Variants in DOCK6 observed in about 807,000 individuals in gnomAD.
DOCK6 encodes the protein dedicator of cytokinesis 6.
Under a neutral mutation model 230.3 loss-of-function variants are expected in DOCK6, and 167 were observed. That is an observed-to-expected ratio of 0.73 (90% CI 0.64 to 0.82). The LOEUF (loss-of-function observed/expected upper bound fraction) is 0.82. Among genes scored for constraint, DOCK6 ranks in the 40% least tolerant of loss-of-function variants. DOCK6 has a pLI of 0.00. For synonymous variants in DOCK6, 1,148 were observed against 1,185.0 expected, an observed-to-expected ratio of 0.97 and a Z score of 0.64; for missense variants, 2,598 against 2,825.8, an observed-to-expected ratio of 0.92 and a Z score of 1.83.
chr19:11,262,291 C>A (rs556456097), intron 1 of DOCK6, 106 bp downstream of exon 1: 53 of 678,452 alleles, frequency 7.8e-5, no homozygotes, highest in African/African-American at 6.5e-4. Flanking sequence ...CGGGCCGAGG[C>A]GGAAAGGGGT....
intron 28 of DOCK6, chr19:11,221,157 TCAACAGGA>T (rs2079573528): frequency 6.6e-6 from 1 of 151,998 alleles, no homozygotes; most frequent in Non-Finnish European, 1.5e-5. Context: ...ACGGATGGGG[TCAACAGGA>T]CACTGGGCAC....
In DOCK6 at chr19:11,201,555, G is replaced by A. The variant is rs2079168799; in HGVS notation, c.5688+334C>T. On this transcript the variant is annotated intron_variant, in intron 44 of 47. Coordinates refer to ENST00000294618, the MANE Select transcript of DOCK6 (RefSeq NM_020812.4). The surrounding 1 kb of genome is among the most constrained non-coding windows in gnomAD (Gnocchi z 4.3). ...AGGGTCTCCATATCTTCTCAGCCCA[G>A]TTCTGGGGTACCTGGGCCTCTTCCT... Among the ~76,000 whole-genome samples, 1 of 151,726 alleles carries A rather than the reference G, an allele frequency of 6.6e-6. No homozygotes were observed. Among genetic ancestry groups the A allele is most frequent in the Admixed American group, 6.6e-5 (1 of 15,234 alleles).
At chr19:11,207,891 C>T (rs1261751304) in intron 39 of DOCK6, among the ~76,000 whole-genome samples, 3 of 152,000 alleles carry the variant, frequency 2.0e-5, no homozygotes, top group Non-Finnish European at 2.9e-5. Flanking sequence ...GATCACGCCA[C>T]CGCACTCCAG....
intron 1 of DOCK6, among the ~76,000 whole-genome samples, chr19:11,257,140 C>T (rs1032012073): frequency 7.2e-6 from 1 of 138,328 alleles, no homozygotes; most frequent in Non-Finnish European, 1.6e-5. Flanking sequence ...ATGCACACCA[C>T]CATGCTTGGC....
rs2079174502 is a variant in DOCK6 at position 11,201,891 on chromosome 19, C to T, written c.5686G>A (p.Glu1896Lys). 1 of 1,556,390 alleles carries T rather than the reference C, an allele frequency of 6.4e-7. No individual in the cohort carries two copies. The highest frequency in any genetic ancestry group is 8.7e-7 in the Non-Finnish European group (1 of 1,149,002). ...KTRIRVCHRE[E>K]TVLTPVEVAI... The stretch of plus-strand genomic sequence containing the variant: ...CCAGGCCCAGGATCCCCACCCACCT[C>T]CTCCCGGTGGCACACACGGATGCGA... Residue 1896 changes from glutamate (E) to lysine (K), a missense_variant and splice_region_variant, in exon 44 of 48, where the codon GAG (glutamate) becomes AAG (lysine). By Grantham distance (56) the Glu-to-Lys change is moderately conservative (BLOSUM62 1). Transcript: ENST00000294618. This position sits in a 1 kb window ranked among gnomAD's most constrained non-coding sequence, Gnocchi z 4.3.
At chr19:11,259,864 G>A (rs1193272516) in intron 1 of DOCK6, among the ~76,000 whole-genome samples, 3 of 142,804 alleles carry the variant, frequency 2.1e-5, no homozygotes, top group Non-Finnish European at 4.5e-5. Context: ...TTACAGACCT[G>A]GGCCGCCGCG....
intron 24 of DOCK6, 145 bp downstream of exon 24, chr19:11,227,190 AAC>A (rs955190134): frequency 1.7e-4 from 190 of 1,146,882 alleles, no homozygotes; most frequent in Middle Eastern, 1.5e-3. Context: ...GCACTTAAGA[AAC>A]AGACAATGAA....
At chr19:11,208,438 G>A (rs969447106) in intron 39 of DOCK6, 4 of 360,870 alleles carry the variant, frequency 1.1e-5, no homozygotes, top group Admixed American at 8.3e-5. Context: ...GCGCCACCAC[G>A]CCCGGCTAAT....
intron 2 of DOCK6, 107 bp downstream of exon 2, chr19:11,253,532 G>A: frequency 1.4e-6 from 1 of 719,590 alleles, no homozygotes. Flanking sequence ...TTTCCCCCCA[G>A]GACAGGCCAC....
chr19:11,200,346 G>C lies in DOCK6; in HGVS notation c.6063C>G (p.Arg2021=). The change falls in exon 47 of 48, where the codon CGC becomes CGG. Residue 2021 remains arginine (R), a synonymous_variant. Coordinates refer to ENST00000294618, the MANE Select transcript of DOCK6 (RefSeq NM_020812.4). The surrounding 1 kb of genome is among the most constrained non-coding windows in gnomAD (Gnocchi z 4.3). The stretch of plus-strand genomic sequence containing the variant: ...GGGTGGGTGCCATCAGCTGGGGCAG[G>C]CGCTGGGTAAGCAGGGGCTGCAGAG... ...REALQPLLTQ[R]LPQLMAPTPP... 6.3e-7 allele frequency: 1 copy of C among 1,578,232 alleles called. No homozygotes were observed. Among genetic ancestry groups the C allele is most frequent in the African/African-American group, 1.3e-5 (1 of 74,218 alleles).
chr19:11,249,469 C>G (rs2080083924), intron 6 of DOCK6, among the ~76,000 whole-genome samples: 1 of 151,672 alleles, frequency 6.6e-6, no homozygotes, highest in Non-Finnish European at 1.5e-5. Flanking sequence ...TGAGATGGCG[C>G]CACTGCACTC....
At chr19:11,260,023 T>C (rs539373930) in intron 1 of DOCK6, among the ~76,000 whole-genome samples, 1 of 151,632 alleles carries the variant, frequency 6.6e-6, no homozygotes, top group East Asian at 1.9e-4. Flanking sequence ...AGCTGGAAGA[T>C]TGTCTAATAT....
At chr19:11,208,444 C>A in intron 39 of DOCK6, 1 of 397,576 alleles carries the variant, frequency 2.5e-6, no homozygotes. Flanking sequence ...CCACGCCCGG[C>A]TAATTTTTGT....
intron 28 of DOCK6, among the ~76,000 whole-genome samples, chr19:11,220,262 T>A (rs1380008008): frequency 5.9e-5 from 9 of 152,136 alleles, no homozygotes; most frequent in Admixed American, 5.9e-4. Context: ...GCCCAAAAGC[T>A]ACAATTTTAT....
chr19:11,245,981 G>C, intron 7 of DOCK6, 103 bp from the exon 8 acceptor site: 2 of 1,309,652 alleles, frequency 1.5e-6, no homozygotes, highest in South Asian at 2.7e-5. Context: ...GACTCCCACT[G>C]GGCCACATGG....
At chr19:11,253,870 G>A in intron 1 of DOCK6, 144 bp from the exon 2 acceptor site, 1 of 583,626 alleles carries the variant, frequency 1.7e-6, no homozygotes, top group East Asian at 3.4e-5. Flanking sequence ...AGGCTTTAAG[G>A]GCCCACAGCT....
chr19:11,232,715 G>T (rs979927930), intron 22 of DOCK6, among the ~76,000 whole-genome samples: 8 of 151,968 alleles, frequency 5.3e-5, no homozygotes, highest in Admixed American at 2.0e-4. Flanking sequence ...ACATGCATGG[G>T]GTGAACACGT....
At chr19:11,253,010 G>A in intron 2 of DOCK6, 52 bp from the exon 3 acceptor site, 1 of 1,536,014 alleles carries the variant, frequency 6.5e-7, no homozygotes, top group Non-Finnish European at 8.8e-7. Flanking sequence ...GCTGAGAGTG[G>A]GGGCACGAGG....
chr19:11,238,431 G>A (rs1225218652), intron 14 of DOCK6, 127 bp from the exon 15 acceptor site: 6 of 782,440 alleles, frequency 7.7e-6, no homozygotes, highest in Non-Finnish European at 1.3e-5. Context: ...ATGAGGCTGG[G>A]GCATTGAGGG....
Sources: allele counts gnomAD v4.1 joint callset (sites outside exome capture counted in the v4.1 genomes callset), GRCh38; gene constraint gnomAD v4.1.1; non-coding constraint Gnocchi (gnomAD v3.1); transcripts MANE v1.5; gene names NCBI Gene and HGNC (gene_info 2026-07-23, HGNC 2026-07-21).